The following SLCO1A2 variants were observed in gnomAD, a reference collection of about 807,000 sequenced individuals.
The protein encoded by SLCO1A2 is OATP-1.
Under a neutral mutation model 69.0 loss-of-function variants are expected in SLCO1A2, and 67 were observed. The ratio of observed to expected loss-of-function variants is 0.97; its 90% CI spans 0.80 to 1.19. The LOEUF is 1.19. Ranked by LOEUF, SLCO1A2 falls within the 50% of genes most tolerant of loss-of-function variation. The pLI, the probability that SLCO1A2 is intolerant of heterozygous loss-of-function variation, is 0.00. For synonymous variants in SLCO1A2, 260 were observed against 265.9 expected (o/e 0.98, Z 0.22); for missense variants, 787 against 793.7 (o/e 0.99, Z 0.10).
chr12:21,338,504 G>T (rs887110053), upstream of SLCO1A2, among the ~76,000 whole-genome samples: 1 of 151,674 alleles, frequency 6.6e-6, no homozygotes, highest in Non-Finnish European at 1.5e-5. Context: ...CCCCCACCCT[G>T]CTGCTTGGCT....
chr12:21,280,693 AT>A lies in SLCO1A2; in HGVS notation c.1611-5270del, dbSNP rs201268833. Among the ~76,000 whole-genome samples the A allele has an allele frequency of 5.8e-4, 88 of 151,554 alleles. 2 individuals carry two copies. Among genetic ancestry groups the A allele is most frequent in the Admixed American group, 2.2e-3 (33 of 15,234 alleles). On this transcript the variant is annotated intron_variant, in intron 12 of 14. Coordinates refer to ENST00000683939, the MANE Select transcript of SLCO1A2 (RefSeq NM_001386879.1). ...TCTTCCAGACCAAAAAAAAAAATAA[AT>A]AAATAAACAAAGAAACATTGGATTT...
In SLCO1A2 at chr12:21,312,849, G is replaced by C. The variant is rs577656560; in HGVS notation, c.335+1700C>G. On this transcript the variant is annotated intron_variant, in intron 4 of 14. Coordinates refer to ENST00000683939, the MANE Select transcript of SLCO1A2 (RefSeq NM_001386879.1). ...AACATTTTGAGAGTCTGAGGCAGGC[G>C]CATTGCTTGAACCCAGGAGTTCAGG... 2.7e-3 allele frequency among the ~76,000 whole-genome samples: 412 copies of C among 152,162 alleles called. 5 individuals carry two copies. Among genetic ancestry groups the C allele is most frequent in the African/African-American group, 9.5e-3 (395 of 41,508 alleles).
At chr12:21,358,137 ATGTC>A (rs1391821435) in intron 2 of SLCO1A2, among the ~76,000 whole-genome samples, 1 of 152,190 alleles carries the variant, frequency 6.6e-6, no homozygotes, top group Non-Finnish European at 1.5e-5. Context: ...AAACTTAAAA[ATGTC>A]TGTGCTACAT....
At chr12:21,410,063 T>C (rs1310611243) in intron 1 of SLCO1A2, among the ~76,000 whole-genome samples, 2 of 152,200 alleles carry the variant, frequency 1.3e-5, no homozygotes. Context: ...CACCCCCTTG[T>C]TCTTTTTCAG....
chr12:21,414,527 AATG>A (rs1941961128), intron 1 of SLCO1A2, among the ~76,000 whole-genome samples: 1 of 152,038 alleles, frequency 6.6e-6, no homozygotes, highest in Non-Finnish European at 1.5e-5. Flanking sequence ...CTGGGATCTG[AATG>A]ATGCTTGATT....
chr12:21,385,884 T>C lies in SLCO1A2; in HGVS notation c.-190+9022A>G, dbSNP rs548327881. Among the ~76,000 whole-genome samples, 4 of 152,316 alleles carry C rather than the reference T, an allele frequency of 2.6e-5. No individual in the cohort carries two copies. In the East Asian group the frequency reaches 7.7e-4, roughly 29 times the overall value. ...ATCCTTACGAGGTGCTTAGAAACCATATTTTTCCAGAACCCCTCCTGCAGA... is the reference window on the plus strand; with the variant it reads ...ATCCTTACGAGGTGCTTAGAAACCACATTTTTCCAGAACCCCTCCTGCAGA... On this transcript the variant is annotated intron_variant, in intron 1 of 15. Coordinates refer to the SLCO1A2 transcript ENST00000307378.
chr12:21,362,155 G>A (rs1938954604), intron 2 of SLCO1A2, among the ~76,000 whole-genome samples: 1 of 152,226 alleles, frequency 6.6e-6, no homozygotes, highest in Admixed American at 6.5e-5. Flanking sequence ...GAAAGGTCAG[G>A]TTACCCACAA....
chr12:21,329,015 G>A (rs1035676776), intron 2 of SLCO1A2, among the ~76,000 whole-genome samples: 6 of 152,140 alleles, frequency 3.9e-5, no homozygotes, highest in African/African-American at 1.4e-4. Flanking sequence ...AGACCTTACA[G>A]TAGCAATTAT....
intron 2 of SLCO1A2, among the ~76,000 whole-genome samples, chr12:21,351,655 G>A (rs888424824): frequency 1.3e-5 from 2 of 151,828 alleles, no homozygotes; most frequent in Non-Finnish European, 2.9e-5. Flanking sequence ...GTGGGCGCCT[G>A]TAATCCCAGT....
chr12:21,415,694 G>A (rs948811280), intron 1 of SLCO1A2, among the ~76,000 whole-genome samples: 10 of 151,894 alleles, frequency 6.6e-5, no homozygotes, highest in Non-Finnish European at 1.5e-4. Flanking sequence ...CTCTTGGGAA[G>A]TTTTTATATT....
chr12:21,275,307 TAATA>T, intron 13 of SLCO1A2, 49 bp downstream of exon 13: 1 of 1,366,494 alleles, frequency 7.3e-7, no homozygotes, highest in East Asian at 2.6e-5. Context: ...TAATAAAAAA[TAATA>T]ATAATAATAT....
At chr12:21,417,228 G>A (rs1308679888) in intron 1 of SLCO1A2, among the ~76,000 whole-genome samples, 1 of 151,728 alleles carries the variant, frequency 6.6e-6, no homozygotes, top group Admixed American at 6.6e-5. Context: ...TACAAGAAAT[G>A]TAATTATACC....
intron 1 of SLCO1A2, among the ~76,000 whole-genome samples, chr12:21,381,146 A>T (rs1940562310): frequency 6.6e-6 from 1 of 152,124 alleles, no homozygotes; most frequent in Admixed American, 6.5e-5. Flanking sequence ...AAATGCAACA[A>T]AAACAAAAAT....
Position 21,295,630 on chromosome 12 carries a change from G to A in SLCO1A2, c.1238C>T (p.Ser413Phe), listed in dbSNP as rs1379534260. The A allele has an allele frequency of 6.3e-7, 1 of 1,599,874 alleles. No individual in the cohort carries two copies. ...FLSFLMTCEN[S>F]SVVGINTSYE... Reference sequence around the variant, plus strand: ...AGAGGTATTTATTCCAACAACTGAAGAATTTTCACAAGTCATGAGAAAAGA... The same window carrying A: ...AGAGGTATTTATTCCAACAACTGAAAAATTTTCACAAGTCATGAGAAAAGA... Residue 413 changes from serine to phenylalanine, a missense_variant, in exon 10 of 15, where the codon TCT (serine) becomes TTT (phenylalanine). Physicochemically the swap from Ser to Phe is radical, Grantham distance 155. Coordinates refer to ENST00000683939, the MANE Select transcript of SLCO1A2 (RefSeq NM_001386879.1).
chr12:21,336,396 C>A (rs1952891537), upstream of SLCO1A2, among the ~76,000 whole-genome samples: 1 of 149,804 alleles, frequency 6.7e-6, no homozygotes, highest in African/African-American at 2.5e-5. Flanking sequence ...ACTAAGTAAC[C>A]ATCTAGAGCA....
Position 21,361,053 on chromosome 12 carries a change from G to A in SLCO1A2, c.-63+13346C>T, listed in dbSNP as rs561891761. ...AAGAGAGTTGTGGTTCTCCCAGCAC[G>A]GAGTTTGAGATCTGAGAAAGGAAAG... is the stretch of plus-strand genomic sequence containing the variant. On this transcript the variant is annotated intron_variant, in intron 2 of 15. Transcript: ENST00000307378. 4.6e-5 allele frequency among the ~76,000 whole-genome samples: 7 copies of A among 152,288 alleles called. No individual in the cohort carries two copies. The East Asian group carries it at 5.8e-4, about 13-fold the overall frequency.
At chr12:21,335,194 G>A (rs977305774), upstream of SLCO1A2, among the ~76,000 whole-genome samples, 4 of 151,950 alleles carry the variant, frequency 2.6e-5, 1 homozygote, top group African/African-American at 9.7e-5. Flanking sequence ...AGAGTCTCAG[G>A]AAGGGAAACA....
In SLCO1A2 at chr12:21,375,615, A is replaced by G. The variant is rs145024077; in HGVS notation, c.-189-1090T>C. On this transcript the variant is annotated intron_variant, in intron 1 of 15. Coordinates refer to the SLCO1A2 transcript ENST00000307378. ...AGGTAATCAAAGGATAGTTAAAAAT[A>G]TAATTACATAGATGCCAAGATGCAA... 1.1e-3 allele frequency among the ~76,000 whole-genome samples: 170 copies of G among 152,360 alleles called. 2 individuals carry two copies. In the East Asian group the frequency reaches 0.027, roughly 25 times the overall value.
In SLCO1A2 at chr12:21,275,265, C is replaced by T. The variant is rs138183217; in HGVS notation, c.1675+95G>A. 790 of 1,150,036 alleles carry T rather than the reference C, an allele frequency of 6.9e-4. 1 individual carries two copies. In the African/African-American group the frequency reaches 9.4e-3, roughly 14 times the overall value. The allele number at this position is 1,150,036 out of a possible 1,614,324, so 71.2% of individuals were successfully genotyped here. ...TGTATACATATGTAACAAACCTGCA[C>T]GTTGTGCACATGTACCCTAAAACTT... On this transcript the variant is annotated intron_variant, in intron 13 of 14. Transcript: ENST00000683939.
Sources: allele counts gnomAD v4.1 joint callset (sites outside exome capture counted in the v4.1 genomes callset), GRCh38; gene constraint gnomAD v4.1.1; transcripts MANE v1.5; gene names NCBI Gene and HGNC (gene_info 2026-07-23, HGNC 2026-07-21).